The following SLC28A3 variants were observed in gnomAD, a reference collection of about 807,000 sequenced individuals.
SLC28A3 encodes the protein solute carrier family 28 member 3.
A neutral mutation model predicts 84.2 loss-of-function variants in SLC28A3; 68 were observed. That is an observed-to-expected ratio of 0.81 (90% CI 0.66 to 0.99). SLC28A3 has a LOEUF of 0.99. Ranked by LOEUF, SLC28A3 falls within the 50% of genes least tolerant of loss-of-function variation. The probability of loss-of-function intolerance (pLI) is 0.00; values close to 1 mark genes in which losing one functional copy is unlikely to be tolerated. For synonymous variants in SLC28A3, 267 were observed against 303.6 expected (o/e 0.88, Z 1.25); for missense variants, 712 against 841.5 (o/e 0.85, Z 1.90).
At chr9:84,299,792 TA>T in intron 5 of SLC28A3, 67 bp from the exon 6 acceptor site, 1 of 1,506,118 alleles carries the variant, frequency 6.6e-7, no homozygotes, top group Non-Finnish European at 8.8e-7. Context: ...TAATCAGGCT[TA>T]ATTTTTTTTT....
At chr9:84,280,946 A>G (rs1824728331) in intron 14 of SLC28A3, 64 bp from the exon 15 acceptor site, 12 of 1,464,930 alleles carry the variant, frequency 8.2e-6, no homozygotes, top group Middle Eastern at 3.5e-4. Context: ...TCTGACATCC[A>G]ACTGGGCTTC....
chr9:84,364,331 A>G, the SLC28A3 span, among the ~76,000 whole-genome samples: 1 of 151,954 alleles, frequency 6.6e-6, no homozygotes, highest in Non-Finnish European at 1.5e-5. Context: ...CCGTGTTGGC[A>G]GGTGATCCAC....
In SLC28A3 at chr9:84,299,598, A is replaced by G. The variant is rs1391600454; in HGVS notation, c.652T>C (p.Ser218Pro). The change falls in exon 6 of 18, where the codon TCC (serine) becomes CCC (proline). Residue 218 changes from serine to proline, a missense_variant. Coordinates refer to ENST00000376238, the MANE Select transcript of SLC28A3 (RefSeq NM_001199633.2). ...IMYIVLLFLFSKYPTRVYWRP... is the reference protein window; with the variant it reads ...IMYIVLLFLFPKYPTRVYWRP... ...ATACTTACTCTGGTTGGGTACTTGG[A>G]AAATAGAAATAACAGGACAATGTAC... The G allele has an allele frequency of 6.2e-6, 10 of 1,613,800 alleles. No individual in the cohort carries two copies. Among genetic ancestry groups the G allele is most frequent in the African/African-American group, 1.3e-5 (1 of 74,898 alleles).
chr9:84,319,884 G>A (rs1030872255), intron 1 of SLC28A3, among the ~76,000 whole-genome samples: 1 of 151,906 alleles, frequency 6.6e-6, no homozygotes, highest in Admixed American at 6.6e-5. Context: ...TCCCATACAC[G>A]ATATTACTTA....
chr9:84,320,846 C>T (rs968282037), intron 1 of SLC28A3, among the ~76,000 whole-genome samples: 2 of 151,364 alleles, frequency 1.3e-5, no homozygotes, highest in Admixed American at 6.6e-5. Flanking sequence ...AAAAATTAGC[C>T]GAGGGTGGTG....
Position 84,285,967 on chromosome 9 carries a change from A to C in SLC28A3, c.1425T>G (p.Phe475Leu). 4 of 1,613,984 alleles carry C rather than the reference A, an allele frequency of 2.5e-6. No homozygotes were observed. In the South Asian group the frequency reaches 4.4e-5, roughly 18 times the overall value. The change falls in exon 13 of 18, where the codon TTT (phenylalanine) becomes TTG (leucine). Residue 475 changes from phenylalanine to leucine, a missense_variant. Coordinates refer to ENST00000376238, the MANE Select transcript of SLC28A3 (RefSeq NM_001199633.2). ...NSALSWFGNM[F>L]DYPQLSFELI... The stretch of plus-strand genomic sequence containing the variant: ...CCTCAAAACTCAGCTGTGGGTAGTC[A>C]AACATGTTTCCAAACCAGGACAGGG...
At chr9:84,345,038 A>G (rs1827226624), upstream of SLC28A3, among the ~76,000 whole-genome samples, 1 of 152,180 alleles carries the variant, frequency 6.6e-6, no homozygotes, top group East Asian at 1.9e-4. Flanking sequence ...TTTCATCGAC[A>G]TACCCATTTA....
chr9:84,339,497 G>T (rs1329457049), intron 1 of SLC28A3, among the ~76,000 whole-genome samples: 1 of 152,084 alleles, frequency 6.6e-6, no homozygotes, highest in African/African-American at 2.4e-5. Flanking sequence ...TGATCAGCCC[G>T]CCTCAGCCTC....
intron 12 of SLC28A3, among the ~76,000 whole-genome samples, chr9:84,287,392 T>TTTTC (rs1019422410): frequency 1.6e-3 from 245 of 152,236 alleles, no homozygotes; most frequent in African/African-American, 5.6e-3. Flanking sequence ...CTCTGTTTTT[T>TTTTC]TTTCTTTTTC....
At chr9:84,309,917 T>A (rs1588597698) in intron 2 of SLC28A3, among the ~76,000 whole-genome samples, 1 of 152,206 alleles carries the variant, frequency 6.6e-6, no homozygotes, top group Non-Finnish European at 1.5e-5. Flanking sequence ...AGGTTCATAC[T>A]GAACTCTTCC....
intron 15 of SLC28A3, among the ~76,000 whole-genome samples, chr9:84,280,325 A>G (rs879687175): frequency 4.0e-5 from 6 of 151,464 alleles, no homozygotes; most frequent in Admixed American, 6.6e-5. Flanking sequence ...CAGAAGAAAA[A>G]CCTCCTAAGT....
chr9:84,320,580 T>C (rs952351270), intron 1 of SLC28A3, among the ~76,000 whole-genome samples: 1 of 152,218 alleles, frequency 6.6e-6, no homozygotes, highest in Non-Finnish European at 1.5e-5. Context: ...CTGAATGTTA[T>C]ATGTGCTTCC....
chr9:84,365,807 A>G, the SLC28A3 span, among the ~76,000 whole-genome samples: 1 of 152,106 alleles, frequency 6.6e-6, no homozygotes, highest in African/African-American at 2.4e-5. Context: ...TCCCAGTACT[A>G]TGGGAGGCTG....
the SLC28A3 span, among the ~76,000 whole-genome samples, chr9:84,351,734 T>C: frequency 2.0e-5 from 3 of 151,426 alleles, no homozygotes; most frequent in Non-Finnish European, 2.9e-5. Context: ...AAAAGTTGAA[T>C]TTGGTAAAAG....
the SLC28A3 span, among the ~76,000 whole-genome samples, chr9:84,365,374 A>AT: frequency 1.1e-4 from 17 of 151,930 alleles, no homozygotes; most frequent in East Asian, 7.7e-4. Flanking sequence ...GGATTATTAG[A>AT]TTTTTTTTCC....
chr9:84,320,119 G>A (rs1385213432), intron 1 of SLC28A3, among the ~76,000 whole-genome samples: 2 of 121,530 alleles, frequency 1.6e-5, no homozygotes, highest in Non-Finnish European at 3.2e-5. Context: ...GCATGATCTT[G>A]ACTCACTGCA....
chr9:84,292,608 T>C, intron 10 of SLC28A3, 60 bp downstream of exon 10: 1 of 1,402,818 alleles, frequency 7.1e-7, no homozygotes, highest in Non-Finnish European at 9.9e-7. Context: ...CTTATTTGGC[T>C]TTTTGGAAAG....
chr9:84,352,124 GT>G, the SLC28A3 span, among the ~76,000 whole-genome samples: 1 of 152,004 alleles, frequency 6.6e-6, no homozygotes, highest in Non-Finnish European at 1.5e-5. Flanking sequence ...TAGTGAAATG[GT>G]CTCAAACTAT....
At chr9:84,329,921 G>A (rs773072678) in intron 1 of SLC28A3, among the ~76,000 whole-genome samples, 6 of 151,914 alleles carry the variant, frequency 3.9e-5, no homozygotes, top group African/African-American at 9.7e-5. Flanking sequence ...TATGAATATC[G>A]CTAAAGCAGT....
Sources: gnomAD v4.1 joint callset for allele counts (sites outside exome capture counted in the v4.1 genomes callset) on GRCh38, gnomAD v4.1.1 for gene constraint, MANE v1.5 for transcripts, NCBI Gene and HGNC (gene_info 2026-07-23, HGNC 2026-07-21) for gene names.